CDC25A: variants seen among roughly 807,000 people sequenced by gnomAD.
CDC25A encodes M-phase inducer phosphatase 1.
CDC25A carries 17 observed loss-of-function variants against 64.6 expected under a neutral mutation model. The observed-to-expected ratio is 0.26, with a 90% CI of 0.18 to 0.39. CDC25A has a LOEUF of 0.39. Ranked by LOEUF, CDC25A falls within the 10% of genes least tolerant of loss-of-function variation. The pLI is 1.00. For missense variants in CDC25A, 473 were observed against 654.8 expected (o/e 0.72, Z 3.03); for synonymous variants, 229 against 238.6 (o/e 0.96, Z 0.37).
intron 8 of CDC25A, 96 bp from the exon 9 acceptor site, chr3:48,174,553 A>G (rs2032388619): frequency 8.1e-7 from 1 of 1,230,466 alleles, no homozygotes; most frequent in South Asian, 1.5e-5. Context: ...GGATGATCTA[A>G]GATCAATTCT....
chr3:48,184,749 C>T, intron 2 of CDC25A, 54 bp from the exon 3 acceptor site: 1 of 1,329,162 alleles, frequency 7.5e-7, no homozygotes, highest in South Asian at 1.3e-5. Context: ...ACCATTTTGT[C>T]ATTAAAATTA....
intron 9 of CDC25A, among the ~76,000 whole-genome samples, chr3:48,168,360 CCACACACA>C (rs58104019): frequency 0.017 from 1,833 of 106,576 alleles, 107 homozygotes; most frequent in Admixed American, 0.14. Flanking sequence ...AAGACCCTGT[CCACACACA>C]CACACACACA....
In CDC25A at chr3:48,165,908, A is replaced by G. The variant is rs1295738390; in HGVS notation, c.1030-15T>C. ...AAGAGATAACCCTTAAAAAGAAAAA[A>G]AGATACTTAGAGAATCTGAAAGCCT... On this transcript the variant is annotated splice_polypyrimidine_tract_variant and intron_variant, in intron 10 of 14. Coordinates refer to ENST00000302506, the MANE Select transcript of CDC25A (RefSeq NM_001789.3). 1 of 1,504,800 alleles carries G rather than the reference A, an allele frequency of 6.6e-7. No homozygotes were observed. 93.2% of individuals were successfully genotyped at this position (1,504,800 alleles called of 1,614,324 possible).
intron 9 of CDC25A, among the ~76,000 whole-genome samples, chr3:48,171,860 G>A (rs2032281845): frequency 6.6e-6 from 1 of 152,170 alleles, no homozygotes; most frequent in African/African-American, 2.4e-5. Context: ...ATACTTGTAA[G>A]TCAAAACACT....
At chr3:48,183,478 C>T (rs1575273389) in intron 4 of CDC25A, among the ~76,000 whole-genome samples, 1 of 152,132 alleles carries the variant, frequency 6.6e-6, no homozygotes, top group East Asian at 1.9e-4. Context: ...GAGTTTGAAA[C>T]CAGCCTGGGC....
intron 14 of CDC25A, 71 bp downstream of exon 14, chr3:48,159,273 C>A (rs2031649477): frequency 2.2e-6 from 3 of 1,340,972 alleles, no homozygotes; most frequent in South Asian, 2.4e-5. Flanking sequence ...AAGTCATGAC[C>A]ACCAGACAGA....
At chr3:48,172,360 A>G (rs1209324376) in intron 9 of CDC25A, among the ~76,000 whole-genome samples, 2 of 152,236 alleles carry the variant, frequency 1.3e-5, no homozygotes, top group Non-Finnish European at 2.9e-5. Context: ...ACCTTTTAAG[A>G]CTGTGATGAG....
intron 2 of CDC25A, 119 bp from the exon 3 acceptor site, chr3:48,184,814 G>T: frequency 1.5e-6 from 1 of 677,106 alleles, no homozygotes; most frequent in Non-Finnish European, 2.5e-6. Flanking sequence ...AAATATTCAT[G>T]GCTTGTACTT....
At chr3:48,183,144 C>T in intron 4 of CDC25A, 114 bp from the exon 5 acceptor site, 1 of 675,830 alleles carries the variant, frequency 1.5e-6, no homozygotes, top group Non-Finnish European at 2.7e-6. Flanking sequence ...TAGCTCCTCA[C>T]ACACTGCAGT....
At chr3:48,183,077 T>C in intron 4 of CDC25A, 47 bp from the exon 5 acceptor site, 1 of 1,388,916 alleles carries the variant, frequency 7.2e-7, no homozygotes, top group Non-Finnish European at 1.0e-6. Context: ...AAATAAAATT[T>C]CAGTGGAAAA....
At chr3:48,185,594 T>C (rs1453671573) in intron 2 of CDC25A, among the ~76,000 whole-genome samples, 2 of 143,104 alleles carry the variant, frequency 1.4e-5, no homozygotes, top group Non-Finnish European at 3.1e-5. Context: ...GGAGGCAGAG[T>C]TGCCTGGGTG....
intron 13 of CDC25A, 62 bp downstream of exon 13, chr3:48,164,245 C>T (rs2031909379): frequency 6.9e-7 from 1 of 1,447,382 alleles, no homozygotes; most frequent in Non-Finnish European, 9.1e-7. Flanking sequence ...CCACAAACCA[C>T]CATGTCCCAC....
intron 9 of CDC25A, among the ~76,000 whole-genome samples, chr3:48,173,209 CAAAAAAA>C (rs35936117): frequency 1.8e-5 from 1 of 54,510 alleles, no homozygotes; most frequent in East Asian, 6.0e-4. Flanking sequence ...CAGAGCGTCT[CAAAAAAA>C]AAAAAAAAAA....
chr3:48,179,512 G>C lies in CDC25A; in HGVS notation c.549+1209C>G, dbSNP rs570704729. Among the ~76,000 whole-genome samples the C allele has an allele frequency of 5.3e-4, 81 of 152,062 alleles. 1 individual carries two copies. The highest frequency in any genetic ancestry group is 2.9e-4 in the Non-Finnish European group (20 of 68,012). ...AGCCTCCCGACTAATTGGGACTATA[G>C]GAACAAGCCACCACACTCAGCTTAT... is the stretch of plus-strand genomic sequence containing the variant. On this transcript the variant is annotated intron_variant, in intron 6 of 14. Coordinates refer to ENST00000302506, the MANE Select transcript of CDC25A (RefSeq NM_001789.3).
At chr3:48,180,504 C>T (rs1575271321) in intron 6 of CDC25A, 3 of 462,204 alleles carry the variant, frequency 6.5e-6, no homozygotes, top group East Asian at 6.5e-5. Context: ...CCTTGCACAA[C>T]TCCAATATTT....
intron 13 of CDC25A, among the ~76,000 whole-genome samples, chr3:48,162,230 T>A (rs1005896065): frequency 7.3e-5 from 11 of 151,548 alleles, no homozygotes; most frequent in African/African-American, 2.7e-4. Flanking sequence ...TGTTAAAAAT[T>A]AATAAAATCA....
chr3:48,174,519 G>A (rs1019019087), intron 8 of CDC25A, 62 bp from the exon 9 acceptor site: 2 of 1,507,916 alleles, frequency 1.3e-6, no homozygotes, highest in African/African-American at 2.8e-5. Context: ...TGAATGGTAA[G>A]ACAAATAAAC....
chr3:48,175,120 C>A (rs2032408574), intron 8 of CDC25A, among the ~76,000 whole-genome samples: 1 of 152,052 alleles, frequency 6.6e-6, no homozygotes, highest in African/African-American at 2.4e-5. Flanking sequence ...CATGAAGAAA[C>A]CCCATCTCTA....
chr3:48,170,540 C>T (rs1209835058), intron 9 of CDC25A, among the ~76,000 whole-genome samples: 1 of 152,192 alleles, frequency 6.6e-6, no homozygotes, highest in African/African-American at 2.4e-5. Context: ...TTGGGTGCCC[C>T]AACCTCCAGG....
Sources: allele counts gnomAD v4.1 joint callset (sites outside exome capture counted in the v4.1 genomes callset), GRCh38; gene constraint gnomAD v4.1.1; transcripts MANE v1.5; gene names NCBI Gene and HGNC (gene_info 2026-07-23, HGNC 2026-07-21).